The following SH2D4A variants were observed in gnomAD, a reference collection of about 807,000 sequenced individuals.
SH2D4A encodes SH2 domain-containing protein 4A.
Under a neutral mutation model 64.7 loss-of-function variants are expected in SH2D4A, and 70 were observed. The observed-to-expected ratio is 1.08, with a 90% CI of 0.89 to 1.32. The LOEUF is 1.32. Among genes scored for constraint, SH2D4A ranks in the 40% most tolerant of loss-of-function variants. The pLI, the probability that SH2D4A is intolerant of heterozygous loss-of-function variation, is 0.00. For missense variants in SH2D4A, 706 were observed against 540.1 expected (o/e 1.31, Z -3.04); for synonymous variants, 268 against 200.7 (o/e 1.34, Z -2.83).
intron 1 of SH2D4A, among the ~76,000 whole-genome samples, chr8:19,315,772 TGA>T (rs2052077870): frequency 6.6e-6 from 1 of 152,350 alleles, no homozygotes; most frequent in South Asian, 2.1e-4. Flanking sequence ...GTATCAGCAA[TGA>T]TTACTTCCTT....
At chr8:19,362,389 A>C (rs910474097) in intron 6 of SH2D4A, among the ~76,000 whole-genome samples, 1 of 152,202 alleles carries the variant, frequency 6.6e-6, no homozygotes, top group East Asian at 1.9e-4. Flanking sequence ...ATAACAAAAA[A>C]TTCTGTTTTA....
At chr8:19,326,672 G>A (rs1040493930) in intron 2 of SH2D4A, among the ~76,000 whole-genome samples, 6 of 152,106 alleles carry the variant, frequency 3.9e-5, no homozygotes, top group African/African-American at 1.4e-4. Context: ...GAGTGTGTGT[G>A]TGTGTAGTGT....
chr8:19,364,673 A>G (rs973468879), intron 7 of SH2D4A, among the ~76,000 whole-genome samples: 1 of 151,712 alleles, frequency 6.6e-6, no homozygotes, highest in African/African-American at 2.4e-5. Flanking sequence ...GATCACCCTT[A>G]GTCAAAGATT....
At chr8:19,389,319 TTA>T (rs2053445395) in intron 8 of SH2D4A, among the ~76,000 whole-genome samples, 18 of 152,176 alleles carry the variant, frequency 1.2e-4, no homozygotes, top group Admixed American at 1.2e-3. Context: ...GGCAAAATGT[TTA>T]TTCTAGAGAG....
Position 19,394,622 on chromosome 8 carries a change from T to C in SH2D4A, c.1345T>C (p.Tyr449His), listed in dbSNP as rs1369165647. Residue 449 changes from tyrosine (Y) to histidine (H), a missense_variant, in exon 10 of 10, where the codon TAC becomes CAC. By Grantham distance (83) the Tyr-to-His change is moderately conservative (BLOSUM62 2). Transcript: ENST00000265807. ...TGGTCAGCAGGACCAGCTGCCTGACTACCTGGAGCTGTTTGAGTGACAGCC... is the reference window on the plus strand; with the variant it reads ...TGGTCAGCAGGACCAGCTGCCTGACCACCTGGAGCTGTTTGAGTGACAGCC... ...PCGQQDQLPD[Y>H]LELFE 2 of 1,608,992 alleles carry C rather than the reference T, an allele frequency of 1.2e-6. No individual in the cohort carries two copies. The highest frequency in any genetic ancestry group is 1.1e-5 in the South Asian group (1 of 90,400).
chr8:19,388,320 C>T (rs928477634), intron 8 of SH2D4A, among the ~76,000 whole-genome samples: 1 of 152,192 alleles, frequency 6.6e-6, no homozygotes, highest in African/African-American at 2.4e-5. Flanking sequence ...ATCAGCTCTG[C>T]TTTTTAGAGG....
chr8:19,393,568 C>A, intron 9 of SH2D4A, 27 bp downstream of exon 9: 1 of 1,606,568 alleles, frequency 6.2e-7, no homozygotes. Flanking sequence ...ACTTAATTTG[C>A]CTTCTGAGTT....
Position 19,335,759 on chromosome 8 carries a change from A to G in SH2D4A, c.513+902A>G, listed in dbSNP as rs748186823. 3.3e-5 allele frequency among the ~76,000 whole-genome samples: 5 copies of G among 152,224 alleles called. No homozygotes were observed. In the East Asian group the frequency reaches 9.6e-4, roughly 29 times the overall value. ...ACTTGGGGACAGTTACCTCCCCAAC[A>G]TAATAGAAATTTTATACTCAGAATT... On this transcript the variant is annotated intron_variant, in intron 4 of 9. Transcript: ENST00000265807.
In SH2D4A at chr8:19,395,713, G is replaced by A. The variant is rs1201669840; in HGVS notation, c.*1071G>A. 6.6e-6 allele frequency: 1 copy of A among 152,132 alleles called. No individual in the cohort carries two copies. Among genetic ancestry groups the A allele is most frequent in the Non-Finnish European group, 1.5e-5 (1 of 68,064 alleles). The allele number at this position is 152,132 out of a possible 1,614,324, so 9.4% of individuals were successfully genotyped here. A position where few individuals can be genotyped will look rare whatever the true frequency, so the allele number is the denominator to read the frequency against. ...CAGCAGAAGCCAGCAGAGAGGCATG[G>A]GACAGGTTCCCCACAAGCCTTAGAA... On this transcript the variant is annotated 3_prime_UTR_variant, in exon 10 of 10. Transcript: ENST00000265807.
At chr8:19,361,073 G>A (rs2052876467) in intron 5 of SH2D4A, 130 bp from the exon 6 acceptor site, 1 of 535,484 alleles carries the variant, frequency 1.9e-6, no homozygotes, top group African/African-American at 2.0e-5. Context: ...CCTTCCTAGT[G>A]GGCCAGAGAG....
Position 19,373,589 on chromosome 8 carries a change from T to C in SH2D4A, c.977T>C (p.Phe326Ser). ...GCCCAAGAGGACATCATCCGGTGGT[T>C]TAAAGAGGAGCAGCTACCACTTCGA... ...SSAQEDIIRW[F>S]KEEQLPLRAG... Residue 326 changes from phenylalanine (F) to serine (S), a missense_variant, in exon 8 of 10, where the codon TTT becomes TCT. Coordinates refer to ENST00000265807, the MANE Select transcript of SH2D4A (RefSeq NM_022071.4). 6.2e-7 allele frequency: 1 copy of C among 1,613,032 alleles called. No individual in the cohort carries two copies.
chr8:19,315,159 A>G (rs1028975969), intron 1 of SH2D4A, among the ~76,000 whole-genome samples: 15 of 152,126 alleles, frequency 9.9e-5, no homozygotes, highest in African/African-American at 2.9e-4. Context: ...TTTTTGAGAC[A>G]GGGTCTCCTT....
intron 5 of SH2D4A, 94 bp from the exon 6 acceptor site, chr8:19,361,109 T>C: frequency 2.0e-6 from 1 of 495,820 alleles, no homozygotes; most frequent in Non-Finnish European, 3.2e-6. Context: ...CTGTGCCGGG[T>C]ACCCCGTCCT....
rs577586973 is a variant in SH2D4A, at chr8:19,332,870, C to G, written c.182-85C>G. The G allele has an allele frequency of 5.8e-6, 8 of 1,378,398 alleles. No homozygotes were observed. In the African/African-American group the frequency reaches 7.3e-5, roughly 13 times the overall value. 85.4% of individuals were successfully genotyped at this position (1,378,398 alleles called of 1,614,324 possible). A position where few individuals can be genotyped will look rare whatever the true frequency, so the allele number is the denominator to read the frequency against. On this transcript the variant is annotated intron_variant, in intron 2 of 9. Transcript: ENST00000265807. The stretch of plus-strand genomic sequence containing the variant: ...ATATATATATATATTTTCAAAGACC[C>G]AAAATACTTTAGTGATGGAAACAGT...
At chr8:19,337,986 G>A (rs1037693356) in intron 4 of SH2D4A, among the ~76,000 whole-genome samples, 5 of 152,302 alleles carry the variant, frequency 3.3e-5, no homozygotes, top group African/African-American at 9.6e-5. Context: ...GGGAGCCACC[G>A]GAAGCTGGAA....
At chr8:19,347,012 A>C (rs1047154913) in intron 4 of SH2D4A, among the ~76,000 whole-genome samples, 2 of 152,306 alleles carry the variant, frequency 1.3e-5, no homozygotes, top group South Asian at 4.1e-4. Context: ...CTAGGTTAGA[A>C]CTGAGTATAT....
Position 19,389,316 on chromosome 8 carries a change from T to G in SH2D4A, c.1049-4002T>G, listed in dbSNP as rs17128342. Among the ~76,000 whole-genome samples, 1,104 of 152,244 alleles carry G rather than the reference T, an allele frequency of 7.3e-3. 13 individuals are homozygous for G. Among genetic ancestry groups the G allele is most frequent in the African/African-American group, 0.025 (1,046 of 41,534 alleles). On this transcript the variant is annotated intron_variant, in intron 8 of 9. Transcript: ENST00000265807. ...TCCCCGGGGCCTTTCCTGGGCAAAA[T>G]GTTTATTCTAGAGAGGTTTAGAGCT...
intron 8 of SH2D4A, among the ~76,000 whole-genome samples, chr8:19,389,967 T>A (rs1438960562): frequency 6.6e-6 from 1 of 152,196 alleles, no homozygotes; most frequent in African/African-American, 2.4e-5. Context: ...AGAGGGCAGG[T>A]CAGAGGGAAG....
chr8:19,327,558 C>T (rs1024893094), intron 2 of SH2D4A, among the ~76,000 whole-genome samples: 5 of 152,182 alleles, frequency 3.3e-5, no homozygotes, highest in African/African-American at 1.2e-4. Context: ...TTGTTCTTCA[C>T]CTGCACCTCC....
Sources: allele counts gnomAD v4.1 joint callset (sites outside exome capture counted in the v4.1 genomes callset), GRCh38; gene constraint gnomAD v4.1.1; transcripts MANE v1.5; gene names NCBI Gene and HGNC (gene_info 2026-07-23, HGNC 2026-07-21).